The following PPP1R10 variants were observed in gnomAD, a reference collection of about 807,000 sequenced individuals.
PPP1R10 encodes the protein serine/threonine-protein phosphatase 1 regulatory subunit 10.
Under a neutral mutation model 99.0 loss-of-function variants are expected in PPP1R10, and 15 were observed. The ratio of observed to expected loss-of-function variants is 0.15; its 90% CI spans 0.10 to 0.23. PPP1R10 has a LOEUF of 0.23. Ranked by LOEUF, PPP1R10 falls within the 10% of genes least tolerant of loss-of-function variation. The pLI is 1.00. For missense variants in PPP1R10, 947 were observed against 1,259.4 expected, an observed-to-expected ratio of 0.75 and a Z score of 3.75; for synonymous variants, 430 against 449.5, an observed-to-expected ratio of 0.96 and a Z score of 0.55.
rs1452742533 is a variant in PPP1R10, at chr6:30,601,562, G to T, written c.2810C>A (p.Pro937His). The T allele has an allele frequency of 3.7e-6, 6 of 1,613,888 alleles. No individual in the cohort carries two copies. Among genetic ancestry groups the T allele is most frequent in the African/African-American group, 1.3e-5 (1 of 74,902 alleles). Residue 937 changes from proline to histidine, a missense_variant, in exon 20 of 20, where the codon CCC (proline) becomes CAC (histidine). Pro to His is a moderately conservative substitution (Grantham distance 77). Transcript: ENST00000376511. Reference sequence around the variant, plus strand: ...GGCAAATGGTCCCTAGGGCAGGGGGGGCCCATTGACACCCGGGTGGTAGAA... The same window carrying T: ...GGCAAATGGTCCCTAGGGCAGGGGGTGCCCATTGACACCCGGGTGGTAGAA... ...CAFYHPGVNG[P>H]PLP
rs1803607941 is a variant in PPP1R10, at chr6:30,603,632, G to A, written c.1607C>T (p.Thr536Ile). 1 of 1,611,910 alleles carries A rather than the reference G, an allele frequency of 6.2e-7. No individual in the cohort carries two copies. The highest frequency in any genetic ancestry group is 1.1e-5 in the South Asian group (1 of 90,828). The stretch of plus-strand genomic sequence containing the variant: ...GCCACCTGACCCCCCAGGTTCCAGA[G>A]TCTCAACATACGGAGTCTCATCCAT... ...CSMDETPYVE[T>I]LEPGGSGGSP... is the part of the protein sequence containing the mutation. Residue 536 changes from threonine to isoleucine, a missense_variant, in exon 16 of 20, where the codon ACT becomes ATT. Physicochemically the swap from Thr to Ile is moderately conservative, Grantham distance 89 (BLOSUM62 -1). This residue lies in a region of PPP1R10 where 525 missense variants were observed against 578.8 expected (regional missense o/e 0.91). Coordinates refer to ENST00000376511, the MANE Select transcript of PPP1R10 (RefSeq NM_002714.4).
intron 6 of PPP1R10, among the ~76,000 whole-genome samples, chr6:30,607,221 C>G (rs1318152294): frequency 2.0e-5 from 3 of 152,196 alleles, no homozygotes; most frequent in African/African-American, 7.2e-5. Context: ...CATTAAAGAA[C>G]TTATACATGT....
chr6:30,606,762 A>G lies in PPP1R10; in HGVS notation c.460+17T>C, dbSNP rs759941420. On this transcript the variant is annotated intron_variant, in intron 7 of 19. Coordinates refer to ENST00000376511, the MANE Select transcript of PPP1R10 (RefSeq NM_002714.4). The surrounding 1 kb of genome is among the most constrained non-coding windows in gnomAD (Gnocchi z 6.3). ...GGAAAGAAATAAATACAAAGGATAAAGGACTAAGGAGCTTACCAGCAGGCT... is the reference window on the plus strand; with the variant it reads ...GGAAAGAAATAAATACAAAGGATAAGGGACTAAGGAGCTTACCAGCAGGCT... 2 of 1,612,820 alleles carry G rather than the reference A, an allele frequency of 1.2e-6. No individual in the cohort carries two copies. Among genetic ancestry groups the G allele is most frequent in the African/African-American group, 1.3e-5 (1 of 74,900 alleles).
intron 19 of PPP1R10, 43 bp downstream of exon 19, chr6:30,601,893 T>C (rs191125012): frequency 1.4e-6 from 2 of 1,467,946 alleles, no homozygotes; most frequent in East Asian, 2.4e-5. Context: ...AAAGCTTGTA[T>C]GGGACAACCA....
At position 30,609,067 on chromosome 6, in the gene PPP1R10, C is replaced by A; in HGVS notation, c.194+10G>T. Reference sequence around the variant, plus strand: ...ACCTTCCCATTCCAACCATCCAGATCCCCACTTACTTGACCAATATTTCTG... The same window carrying A: ...ACCTTCCCATTCCAACCATCCAGATACCCACTTACTTGACCAATATTTCTG... On this transcript the variant is annotated intron_variant, in intron 4 of 19. Coordinates refer to ENST00000376511, the MANE Select transcript of PPP1R10 (RefSeq NM_002714.4). The surrounding 1 kb of genome is among the most constrained non-coding windows in gnomAD (Gnocchi z 4.5). The A allele has an allele frequency of 6.2e-7, 1 of 1,614,094 alleles. No homozygotes were observed. The highest frequency in any genetic ancestry group is 8.5e-7 in the Non-Finnish European group (1 of 1,179,994).
chr6:30,609,003 C>T lies in PPP1R10; in HGVS notation c.194+74G>A, dbSNP rs1346464085. ...ACAATCCCAGTCTCCCATCAATGAC[C>T]GAGGAACCCCATGCCTCACCGCCCC... On this transcript the variant is annotated intron_variant, in intron 4 of 19. Transcript: ENST00000376511. The surrounding 1 kb of genome is among the most constrained non-coding windows in gnomAD (Gnocchi z 4.5). 59 of 1,610,444 alleles carry T rather than the reference C, an allele frequency of 3.7e-5. 1 individual carries two copies. The Middle Eastern group carries it at 6.6e-4, about 18-fold the overall frequency.
At chr6:30,605,529 A>G (rs1404066602) in intron 10 of PPP1R10, among the ~76,000 whole-genome samples, 5 of 152,138 alleles carry the variant, frequency 3.3e-5, no homozygotes, top group African/African-American at 9.7e-5. Flanking sequence ...AAGAGAAGGG[A>G]AAAAACTTCT....
chr6:30,602,566 C>A lies in PPP1R10; in HGVS notation c.2083G>T (p.Gly695Cys), dbSNP rs764969624. The change falls in exon 19 of 20, where the codon GGT becomes TGT. Residue 695 changes from glycine (G) to cysteine (C), a missense_variant. Gly to Cys is a radical substitution (Grantham distance 159). Around this residue, in one of 10 missense-constraint regions of PPP1R10, gnomAD observed 525 missense variants for 578.8 expected, o/e 0.91. Coordinates refer to ENST00000376511, the MANE Select transcript of PPP1R10 (RefSeq NM_002714.4). The surrounding 1 kb of genome is among the most constrained non-coding windows in gnomAD (Gnocchi z 6.7). Reference protein sequence around the residue: ...DPMRGGPMRGGPGPGPGPYHR... With the variant: ...DPMRGGPMRGCPGPGPGPYHR... ...TATGGTCCAGGACCTGGTCCTGGAC[C>A]CCCCCGCATTGGGCCACCCCGCATA... The A allele has an allele frequency of 2.9e-5, 46 of 1,563,044 alleles. No individual in the cohort carries two copies. The highest frequency in any genetic ancestry group is 1.7e-4 in the Middle Eastern group (1 of 5,840).
chr6:30,603,686 A>G lies in PPP1R10; in HGVS notation c.1573-20T>C, dbSNP rs1365408056. ...ACACTCCTGAAAGAAGAACAAAAAA[A>G]ATCAGGATTGACAGAACAGAGACAT... is the stretch of plus-strand genomic sequence containing the variant. On this transcript the variant is annotated intron_variant, in intron 15 of 19. Coordinates refer to ENST00000376511, the MANE Select transcript of PPP1R10 (RefSeq NM_002714.4). 23 of 1,570,130 alleles carry G rather than the reference A, an allele frequency of 1.5e-5. No homozygotes were observed. The highest frequency in any genetic ancestry group is 1.9e-5 in the Non-Finnish European group (22 of 1,160,848).
chr6:30,604,499 G>C lies in PPP1R10; in HGVS notation c.1115C>G (p.Pro372Arg), dbSNP rs1319856554. ...PELMDTASLEPGALDAKPVES... is the reference protein window; with the variant it reads ...PELMDTASLERGALDAKPVES... ...CACTGGCTTGGCATCCAGAGCTCCT[G>C]GCTCCAAAGAGGCTGGAAGCAGAAG... is the stretch of plus-strand genomic sequence containing the variant. The change falls in exon 13 of 20, where the codon CCA becomes CGA. Residue 372 changes from proline to arginine, a missense_variant. Physicochemically the swap from Pro to Arg is moderately radical, Grantham distance 103. Transcript: ENST00000376511. This position sits in a 1 kb window ranked among gnomAD's most constrained non-coding sequence, Gnocchi z 7.3. 51 of 1,612,892 alleles carry C rather than the reference G, an allele frequency of 3.2e-5. No individual in the cohort carries two copies. The highest frequency in any genetic ancestry group is 4.2e-5 in the Non-Finnish European group (49 of 1,180,028).
At position 30,605,814 on chromosome 6, in the gene PPP1R10, C is replaced by T. The variant is rs1162398856; in HGVS notation, c.853+109G>A. On this transcript the variant is annotated intron_variant, in intron 10 of 19. Coordinates refer to ENST00000376511, the MANE Select transcript of PPP1R10 (RefSeq NM_002714.4). Reference sequence around the variant, plus strand: ...GGCGGAGCTTGCAGTGAGCCAAGACCGTGCCACTGCACTCCAGCCTGGGTG... The same window carrying T: ...GGCGGAGCTTGCAGTGAGCCAAGACTGTGCCACTGCACTCCAGCCTGGGTG... 2.3e-5 allele frequency: 25 copies of T among 1,081,836 alleles called. No homozygotes were observed. In the African/African-American group the frequency reaches 2.5e-4, roughly 11 times the overall value. 67.0% of individuals were successfully genotyped at this position (1,081,836 alleles called of 1,614,324 possible).
At position 30,601,948 on chromosome 6, in the gene PPP1R10, T is replaced by C. The variant is rs944031714; in HGVS notation, c.2701A>G (p.Ser901Gly). The change falls in exon 19 of 20, where the codon AGC becomes GGC. Residue 901 changes from serine to glycine, a missense_variant. Transcript: ENST00000376511. ...GGAGCATCCTCACCTCCTCCATGGC[T>C]GTGGCCTCCATCGTGCCCTCGGTGG... The part of the protein sequence containing the change: ...GGHRGHDGGH[S>G]HGGDMSNRPV... 5 of 1,509,804 alleles carry C rather than the reference T, an allele frequency of 3.3e-6. No individual in the cohort carries two copies. Among genetic ancestry groups the C allele is most frequent in the African/African-American group, 1.4e-5 (1 of 71,476 alleles). The allele number at this position is 1,509,804 out of a possible 1,614,324, so 93.5% of individuals were successfully genotyped here.
rs1399230651 is a variant in PPP1R10 at position 30,606,649 on chromosome 6, G to C, written c.461-8C>G. ...GTTTCTTCTTATCTTTCTCTGTTGT[G>C]AAAAAACAAAGCAGAAAAGGATTTT... is the stretch of plus-strand genomic sequence containing the variant. On this transcript the variant is annotated splice_polypyrimidine_tract_variant and splice_region_variant and intron_variant, in intron 7 of 19. Coordinates refer to ENST00000376511, the MANE Select transcript of PPP1R10 (RefSeq NM_002714.4). This position sits in a 1 kb window ranked among gnomAD's most constrained non-coding sequence, Gnocchi z 6.3. The C allele has an allele frequency of 1.2e-6, 2 of 1,613,632 alleles. No individual in the cohort carries two copies. Among genetic ancestry groups the C allele is most frequent in the South Asian group, 1.1e-5 (1 of 91,052 alleles).
intron 2 of PPP1R10, among the ~76,000 whole-genome samples, chr6:30,612,808 C>A (rs1268390966): frequency 2.0e-5 from 3 of 152,094 alleles, no homozygotes; most frequent in Non-Finnish European, 4.4e-5. Flanking sequence ...ACATTTCGGG[C>A]ACAGGGCTAC....
chr6:30,610,198 G>C (rs1804416443), intron 2 of PPP1R10, among the ~76,000 whole-genome samples: 1 of 152,178 alleles, frequency 6.6e-6, no homozygotes, highest in African/African-American at 2.4e-5. Flanking sequence ...TCGATTGGAG[G>C]AGTAGGGCAG....
In PPP1R10 at chr6:30,604,886, G is replaced by A. The variant is rs766518361; in HGVS notation, c.954+108C>T. On this transcript the variant is annotated intron_variant, in intron 11 of 19. Coordinates refer to ENST00000376511, the MANE Select transcript of PPP1R10 (RefSeq NM_002714.4). This position sits in a 1 kb window ranked among gnomAD's most constrained non-coding sequence, Gnocchi z 7.3. ...CTCACCTGCACCAGTCTATATCCAAGGCAAAACGCCTCTTGTTGTCCTCCC... is the reference window on the plus strand; with the variant it reads ...CTCACCTGCACCAGTCTATATCCAAAGCAAAACGCCTCTTGTTGTCCTCCC... The A allele has an allele frequency of 6.6e-7, 1 of 1,509,230 alleles. No homozygotes were observed. The highest frequency in any genetic ancestry group is 1.1e-5 in the South Asian group (1 of 88,750). The allele number at this position is 1,509,230 out of a possible 1,614,324, so 93.5% of individuals were successfully genotyped here. A position where few individuals can be genotyped will look rare whatever the true frequency, so the allele number is the denominator to read the frequency against.
rs1430881109 is a variant in PPP1R10 at position 30,602,354 on chromosome 6, A to C, written c.2295T>G (p.Ser765Arg). ...EGPGGGMGNS[S>R]GHRPHEGPGG... The stretch of plus-strand genomic sequence containing the variant: ...CAGGGCCTTCGTGGGGACGATGTCC[A>C]CTGCTGTTGCCCATGCCCCCACCAG... The change falls in exon 19 of 20, where the codon AGT becomes AGG. Residue 765 changes from serine to arginine, a missense_variant. By Grantham distance (110) the Ser-to-Arg change is moderately radical. Coordinates refer to ENST00000376511, the MANE Select transcript of PPP1R10 (RefSeq NM_002714.4). This position sits in a 1 kb window ranked among gnomAD's most constrained non-coding sequence, Gnocchi z 6.7. The C allele has an allele frequency of 6.2e-7, 1 of 1,612,300 alleles. No homozygotes were observed. The highest frequency in any genetic ancestry group is 1.3e-5 in the African/African-American group (1 of 74,776).
At chr6:30,612,914 C>CTTA (rs1804703098) in intron 2 of PPP1R10, among the ~76,000 whole-genome samples, 1 of 152,124 alleles carries the variant, frequency 6.6e-6, no homozygotes, top group South Asian at 2.1e-4. Context: ...AGAATGAAAG[C>CTTA]TTAAGAAAGC....
chr6:30,608,522 C>CA (rs1312748427), intron 5 of PPP1R10, among the ~76,000 whole-genome samples: 1 of 152,058 alleles, frequency 6.6e-6, no homozygotes, highest in Non-Finnish European at 1.5e-5. Flanking sequence ...AGGATGGTCT[C>CA]AGTCTCCTGA....
Sources: allele counts gnomAD v4.1 joint callset (sites outside exome capture counted in the v4.1 genomes callset), GRCh38; gene constraint gnomAD v4.1.1; regional missense constraint gnomAD v4.1.1; non-coding constraint Gnocchi (gnomAD v3.1); transcripts MANE v1.5; gene names NCBI Gene and HGNC (gene_info 2026-07-23, HGNC 2026-07-21).